The following AMIGO2 variants were observed in gnomAD, a reference collection of about 807,000 sequenced individuals.
The protein encoded by AMIGO2 is adhesion molecule with Ig like domain 2, also known as amphoterin-induced protein 2.
In AMIGO2, 15 loss-of-function variants were observed where a neutral mutation model predicts 23.7. The ratio of observed to expected loss-of-function variants is 0.63; its 90% CI spans 0.42 to 0.98. The LOEUF is 0.98. AMIGO2 is among the 50% of genes least tolerant of loss of function. The pLI is 0.00. For missense variants in AMIGO2, 561 were observed against 633.1 expected (o/e 0.89, Z 1.22); for synonymous variants, 264 against 252.3 (o/e 1.05, Z -0.44).
chr12:47,078,628 C>A lies in AMIGO2; in HGVS notation c.375G>T (p.Ser125=), dbSNP rs762239869. 3.1e-6 allele frequency: 5 copies of A among 1,614,158 alleles called. No individual in the cohort carries two copies. In the South Asian group the frequency reaches 5.5e-5, roughly 18 times the overall value. ...TTTTCACCGTCTTCAGCTTATTGGA[C>A]GATAAGTCAAGACACTTCAAATTTG... ...TTPNLKCLDL[S]SNKLKTVKNA... The change falls in exon 3 of 3, where the codon TCG becomes TCT. Residue 125 remains serine, a synonymous_variant. Coordinates refer to ENST00000550413, the MANE Select transcript of AMIGO2 (RefSeq NM_001370299.1).
At position 47,078,773 on chromosome 12, in the gene AMIGO2, T is replaced by A. The variant is rs1346467992; in HGVS notation, c.230A>T (p.Tyr77Phe). 1 of 1,614,130 alleles carries A rather than the reference T, an allele frequency of 6.2e-7. No homozygotes were observed. The highest frequency in any genetic ancestry group is 8.5e-7 in the Non-Finnish European group (1 of 1,180,048). ...AGAATCCAGAAGCCCAATTCTGTTA[T>A]AACTCAGGTCCAGTCTCTTAATCAG... is the stretch of plus-strand genomic sequence containing the variant. ...FRLIKRLDLS[Y>F]NRIGLLDSEW... The change falls in exon 3 of 3, where the codon TAT becomes TTT. Residue 77 changes from tyrosine to phenylalanine, a missense_variant. Coordinates refer to ENST00000550413, the MANE Select transcript of AMIGO2 (RefSeq NM_001370299.1).
Position 47,077,626 on chromosome 12 carries a change from C to T in AMIGO2, c.1377G>A (p.Lys459=). 3 of 1,614,214 alleles carry T rather than the reference C, an allele frequency of 1.9e-6. No individual in the cohort carries two copies. Among genetic ancestry groups the T allele is most frequent in the African/African-American group, 1.3e-5 (1 of 75,046 alleles). ...PASDASADER[K]AGAGKRVVFL... ...ACACCACTCTTTTACCTGCACCTGC[C>T]TTCCGTTCATCAGCGGAGGCATCAC... Residue 459 remains lysine (K), a synonymous_variant, in exon 3 of 3, where the codon AAG becomes AAA. Coordinates refer to ENST00000550413, the MANE Select transcript of AMIGO2 (RefSeq NM_001370299.1).
In AMIGO2 at chr12:47,078,057, T is replaced by G. The variant is rs1941885360; in HGVS notation, c.946A>C (p.Asn316His). The G allele has an allele frequency of 6.2e-7, 1 of 1,614,184 alleles. No individual in the cohort carries two copies. The highest frequency in any genetic ancestry group is 8.5e-7 in the Non-Finnish European group (1 of 1,180,042). The change falls in exon 3 of 3, where the codon AAT (asparagine) becomes CAT (histidine). Residue 316 changes from asparagine (N) to histidine (H), a missense_variant. Coordinates refer to ENST00000550413, the MANE Select transcript of AMIGO2 (RefSeq NM_001370299.1). ...ACCCAGATGAAATCCGTATTTGCAT[T>G]ACCTGTCTTGCTGTCACAGTGGACC... ...LMVHCDSKTG[N>H]ANTDFIWVGP...
rs542243913 is a variant in AMIGO2, at chr12:47,076,921, G to A, written c.*513C>T. 1 of 157,682 alleles carries A rather than the reference G, an allele frequency of 6.3e-6. No individual in the cohort carries two copies. Among genetic ancestry groups the A allele is most frequent in the East Asian group, 1.9e-4 (1 of 5,330 alleles). 9.8% of individuals were successfully genotyped at this position (157,682 alleles called of 1,614,324 possible). A position where few individuals can be genotyped will look rare whatever the true frequency, so the allele number is the denominator to read the frequency against. The stretch of plus-strand genomic sequence containing the variant: ...TTTATCAGTGTAGTCTATTCATTCT[G>A]GTCTAAAACGGTAATTTTGGCTGAA... On this transcript the variant is annotated 3_prime_UTR_variant, in exon 3 of 3. Transcript: ENST00000550413.
chr12:47,079,017 A>T lies in AMIGO2; in HGVS notation c.-15T>A. ...CGTAACGACATTATGGTCGCCTCTG[A>T]GTCTCTTCCCGGTGTCTTTTCCACC... On this transcript the variant is annotated 5_prime_UTR_variant, in exon 3 of 3. Coordinates refer to ENST00000550413, the MANE Select transcript of AMIGO2 (RefSeq NM_001370299.1). 4 of 1,553,928 alleles carry T rather than the reference A, an allele frequency of 2.6e-6. No homozygotes were observed. The highest frequency in any genetic ancestry group is 2.4e-5 in the South Asian group (2 of 81,724).
In AMIGO2 at chr12:47,077,206, G is replaced by A. The variant is rs1419754653; in HGVS notation, c.*228C>T. 1 of 562,932 alleles carries A rather than the reference G, an allele frequency of 1.8e-6. No homozygotes were observed. The highest frequency in any genetic ancestry group is 2.4e-5 in the South Asian group (1 of 40,964). 34.9% of individuals were successfully genotyped at this position (562,932 alleles called of 1,614,324 possible). ...AATTACCAATAGTGCTAAAAGCTAA[G>A]ATATTGTGATCTAGAACTTAAACTT... is the stretch of plus-strand genomic sequence containing the variant. On this transcript the variant is annotated 3_prime_UTR_variant, in exon 3 of 3. Transcript: ENST00000550413.
In AMIGO2 at chr12:47,078,911, A is replaced by G. The variant is rs770025296; in HGVS notation, c.92T>C (p.Val31Ala). 6.2e-7 allele frequency: 1 copy of G among 1,614,208 alleles called. No homozygotes were observed. The highest frequency in any genetic ancestry group is 1.7e-5 in the Admixed American group (1 of 60,030). The change falls in exon 3 of 3, where the codon GTG becomes GCG. Residue 31 changes from valine to alanine, a missense_variant. By Grantham distance (64) the Val-to-Ala change is moderately conservative. Transcript: ENST00000550413. ...CCCAGAGGCACCAGGGCCCACAGTC[A>G]CTGTGATCATCAGCAAACACAGCAG... ...RELLCLLMIT[V>A]TVGPGASGVC...
At position 47,077,395 on chromosome 12, in the gene AMIGO2, A is replaced by C; in HGVS notation, c.*39T>G. 6.3e-7 allele frequency: 1 copy of C among 1,578,008 alleles called. No individual in the cohort carries two copies. Among genetic ancestry groups the C allele is most frequent in the South Asian group, 1.2e-5 (1 of 85,392 alleles). ...AGACCACACACAAAGTTAAATATGA[A>C]CAGATTAAATTATGACATCATACAA... On this transcript the variant is annotated 3_prime_UTR_variant, in exon 3 of 3. Coordinates refer to ENST00000550413, the MANE Select transcript of AMIGO2 (RefSeq NM_001370299.1).
chr12:47,077,047 TTTAAA>T lies in AMIGO2; in HGVS notation c.*382_*386del, dbSNP rs547548674. ...ATGAAATTGGACACTAGTGTTTTTCTTTAAAATAACTCTGGTACTAGTAAGTTAGC... is the reference window on the plus strand; with the variant it reads ...ATGAAATTGGACACTAGTGTTTTTCTATAACTCTGGTACTAGTAAGTTAGC... On this transcript the variant is annotated 3_prime_UTR_variant, in exon 3 of 3. Transcript: ENST00000550413. 5.0e-5 allele frequency: 8 copies of T among 159,142 alleles called. No homozygotes were observed. In the East Asian group the frequency reaches 1.5e-3, roughly 29 times the overall value. 9.9% of individuals were successfully genotyped at this position (159,142 alleles called of 1,614,324 possible).
chr12:47,078,683 C>T lies in AMIGO2; in HGVS notation c.320G>A (p.Ser107Asn). The change falls in exon 3 of 3, where the codon AGC becomes AAC. Residue 107 changes from serine (S) to asparagine (N), a missense_variant. Transcript: ENST00000550413. ...TGTGGAAAAACTGCCCGTGGAAATGCTGGTGATGTTGTTATGACGAAGAAT... is the reference window on the plus strand; with the variant it reads ...TGTGGAAAAACTGCCCGTGGAAATGTTGGTGATGTTGTTATGACGAAGAAT... The part of the protein sequence containing the change: ...TLILRHNNIT[S>N]ISTGSFSTTP... The T allele has an allele frequency of 6.2e-7, 1 of 1,614,198 alleles. No individual in the cohort carries two copies. Among genetic ancestry groups the T allele is most frequent in the Non-Finnish European group, 8.5e-7 (1 of 1,180,042 alleles).
At position 47,077,719 on chromosome 12, in the gene AMIGO2, G is replaced by C. The variant is rs1941876898; in HGVS notation, c.1284C>G (p.Thr428=). ...GGTGTAGCATATTTTTCTGTCTCTT[G>C]GTTTTACACTTGCAGGGGCATGGAG... ...YLTPCPCKCK[T]KRQKNMLHQS... Residue 428 remains threonine (T), a synonymous_variant, in exon 3 of 3, where the codon ACC becomes ACG. Coordinates refer to ENST00000550413, the MANE Select transcript of AMIGO2 (RefSeq NM_001370299.1). 6.2e-7 allele frequency: 1 copy of C among 1,614,066 alleles called. No individual in the cohort carries two copies. Among genetic ancestry groups the C allele is most frequent in the African/African-American group, 1.3e-5 (1 of 74,912 alleles).
In AMIGO2 at chr12:47,079,071, A is replaced by G; in HGVS notation, c.-63-6T>C. 1 of 1,512,360 alleles carries G rather than the reference A, an allele frequency of 6.6e-7. No individual in the cohort carries two copies. The highest frequency in any genetic ancestry group is 8.8e-7 in the Non-Finnish European group (1 of 1,132,760). 93.7% of individuals were successfully genotyped at this position (1,512,360 alleles called of 1,614,324 possible). On this transcript the variant is annotated splice_region_variant and splice_polypyrimidine_tract_variant and intron_variant, in intron 2 of 2. Coordinates refer to ENST00000550413, the MANE Select transcript of AMIGO2 (RefSeq NM_001370299.1). ...TCAGCCTCCCACCAGTGAACCTGGC[A>G]AACAATTAATAATTCAGAGGGAGTA...
rs2137112483 is a variant in AMIGO2 at position 47,077,439 on chromosome 12, T to C, written c.1564A>G (p.Thr522Ala). 9.3e-6 allele frequency: 15 copies of C among 1,609,618 alleles called. No individual in the cohort carries two copies. Among genetic ancestry groups the C allele is most frequent in the Non-Finnish European group, 1.1e-5 (13 of 1,176,476 alleles). Residue 522 changes from threonine to alanine, a missense_variant, in exon 3 of 3, where the codon ACT (threonine) becomes GCT (alanine). Transcript: ENST00000550413. ...CATACAAATATAGGCACAAATTAAGTGGACGCCACAAAAGGTGTGTCAGAA... is the reference window on the plus strand; with the variant it reads ...CATACAAATATAGGCACAAATTAAGCGGACGCCACAAAAGGTGTGTCAGAA... ...VFSDTPFVAS[T>A]
chr12:47,077,664 G>A lies in AMIGO2; in HGVS notation c.1339C>T (p.Pro447Ser). Residue 447 changes from proline (P) to serine (S), a missense_variant, in exon 3 of 3, where the codon CCT (proline) becomes TCT (serine). Coordinates refer to ENST00000550413, the MANE Select transcript of AMIGO2 (RefSeq NM_001370299.1). ...QSNAHSSILS[P>S]GPASDASADE... ...GCGGAGGCATCACTAGCGGGGCCAG[G>A]ACTGAGAATCGATGAATGGGCATTG... is the stretch of plus-strand genomic sequence containing the variant. The A allele has an allele frequency of 1.9e-6, 3 of 1,614,216 alleles. No homozygotes were observed. The highest frequency in any genetic ancestry group is 2.2e-5 in the East Asian group (1 of 44,890).
chr12:47,077,444 G>A lies in AMIGO2; in HGVS notation c.1559C>T (p.Ala520Val), dbSNP rs139663398. ...NSVFSDTPFVAST is the reference protein window; with the variant it reads ...NSVFSDTPFVVST Reference sequence around the variant, plus strand: ...AAATATAGGCACAAATTAAGTGGACGCCACAAAAGGTGTGTCAGAAAACAC... The same window carrying A: ...AAATATAGGCACAAATTAAGTGGACACCACAAAAGGTGTGTCAGAAAACAC... The change falls in exon 3 of 3, where the codon GCG (alanine) becomes GTG (valine). Residue 520 changes from alanine to valine, a missense_variant. By Grantham distance (64) the Ala-to-Val change is moderately conservative. Transcript: ENST00000550413. 17 of 1,609,352 alleles carry A rather than the reference G, an allele frequency of 1.1e-5. No homozygotes were observed. Among genetic ancestry groups the A allele is most frequent in the South Asian group, 8.8e-5 (8 of 90,932 alleles).
In AMIGO2 at chr12:47,076,491, C is replaced by T. The variant is rs547826918; in HGVS notation, c.*943G>A. ...ATCAGTGGTGCTTTATACAAAATAG[C>T]ATAATCTGATAACATAAGACATTTT... On this transcript the variant is annotated 3_prime_UTR_variant, in exon 3 of 3. Coordinates refer to ENST00000550413, the MANE Select transcript of AMIGO2 (RefSeq NM_001370299.1). 1.3e-5 allele frequency: 2 copies of T among 152,588 alleles called. No individual in the cohort carries two copies. The highest frequency in any genetic ancestry group is 4.8e-5 in the African/African-American group (2 of 41,504). 9.5% of individuals were successfully genotyped at this position (152,588 alleles called of 1,614,324 possible).
At position 47,079,889 on chromosome 12, in the gene AMIGO2, G is replaced by C. The variant is rs1941939156; in HGVS notation, c.-598C>G. The C allele has an allele frequency of 6.6e-6, 1 of 150,834 alleles. No individual in the cohort carries two copies. 9.3% of individuals were successfully genotyped at this position (150,834 alleles called of 1,614,324 possible). Reference sequence around the variant, plus strand: ...CCGGGGTTCCCGCGCGCCCGGGGCCGGGAGACGGGCTGGGGCGCCGGTCCC... The same window carrying C: ...CCGGGGTTCCCGCGCGCCCGGGGCCCGGAGACGGGCTGGGGCGCCGGTCCC... On this transcript the variant is annotated 5_prime_UTR_variant, in exon 1 of 3. Coordinates refer to ENST00000550413, the MANE Select transcript of AMIGO2 (RefSeq NM_001370299.1).
Position 47,078,106 on chromosome 12 carries a change from C to T in AMIGO2, c.897G>A (p.Glu299=), listed in dbSNP as rs1436282584. ...CCATCAGTCTTTCCCCGACCTGAGC[C>T]TCATGAATAAAGCCAAGCGCACGAA... is the stretch of plus-strand genomic sequence containing the variant. ...GSFRALGFIH[E]AQVGERLMVH... is the part of the protein sequence containing the mutation. The change falls in exon 3 of 3, where the codon GAG becomes GAA. Residue 299 remains glutamate, a synonymous_variant. Transcript: ENST00000550413. 1 of 1,614,172 alleles carries T rather than the reference C, an allele frequency of 6.2e-7. No individual in the cohort carries two copies. The highest frequency in any genetic ancestry group is 1.1e-5 in the South Asian group (1 of 91,076).
Position 47,079,043 on chromosome 12 carries a change from G to A in AMIGO2, c.-41C>T, listed in dbSNP as rs763650753. On this transcript the variant is annotated 5_prime_UTR_variant, in exon 3 of 3. Transcript: ENST00000550413. The stretch of plus-strand genomic sequence containing the variant: ...GTCTCTTCCCGGTGTCTTTTCCACC[G>A]GCTCAGCCTCCCACCAGTGAACCTG... 6 of 1,525,980 alleles carry A rather than the reference G, an allele frequency of 3.9e-6. No homozygotes were observed. The highest frequency in any genetic ancestry group is 5.3e-6 in the Non-Finnish European group (6 of 1,138,650). 94.5% of individuals were successfully genotyped at this position (1,525,980 alleles called of 1,614,324 possible). A position where few individuals can be genotyped will look rare whatever the true frequency, so the allele number is the denominator to read the frequency against.
Sources: allele counts gnomAD v4.1 joint callset, GRCh38; gene constraint gnomAD v4.1.1; transcripts MANE v1.5; gene names NCBI Gene and HGNC (gene_info 2026-07-23, HGNC 2026-07-21).